Variants in LZTR1 observed in about 807,000 individuals in gnomAD.
LZTR1 encodes leucine-zipper-like transcriptional regulator 1.
Under a neutral mutation model 105.7 loss-of-function variants are expected in LZTR1, and 260 were observed. The ratio of observed to expected loss-of-function variants is 2.46; its 90% CI spans 2.22 to 2.72. LZTR1 has a LOEUF of 2.72. Ranked by LOEUF, LZTR1 falls within the 30% of genes most tolerant of loss-of-function variation. LZTR1 has a pLI of 0.00. For synonymous variants in LZTR1, 490 were observed against 476.4 expected (o/e 1.03, Z -0.37); for missense variants, 1,214 against 1,166.9 (o/e 1.04, Z -0.59).
chr22:20,995,460 G>C (rs768676496), intron 16 of LZTR1: 157 of 650,366 alleles, frequency 2.4e-4, no homozygotes, highest in Admixed American at 8.4e-5. Flanking sequence ...CCATGCAGTG[G>C]GCCTGGAGGG....
In LZTR1 at chr22:20,992,854, G is replaced by T; in HGVS notation, c.1210G>T (p.Gly404Trp). The change falls in exon 11 of 21, where the codon GGG becomes TGG. Residue 404 changes from glycine to tryptophan, a missense_variant. Gly to Trp is a radical substitution (Grantham distance 184, BLOSUM62 -2). Transcript: ENST00000646124. The stretch of plus-strand genomic sequence containing the variant: ...CATCTCGGACGCCATGTACATCTTC[G>T]GGGGCACGGTGGACAACAACATCCG... ...AVISDAMYIFGGTVDNNIRSG... is the reference protein window; with the variant it reads ...AVISDAMYIFWGTVDNNIRSG... The T allele has an allele frequency of 6.2e-7, 1 of 1,610,266 alleles. No individual in the cohort carries two copies. The highest frequency in any genetic ancestry group is 8.5e-7 in the Non-Finnish European group (1 of 1,178,486).
In LZTR1 at chr22:20,997,092, A is replaced by G. The variant is rs1924886404; in HGVS notation, c.2406+126A>G. ...GCCCTGGGGGTGAGAGAAGCAGAGC[A>G]GCCCATCACTGGCCGCACCTTGCTT... is the stretch of plus-strand genomic sequence containing the variant. On this transcript the variant is annotated intron_variant, in intron 20 of 20. Transcript: ENST00000646124. 3 of 1,157,134 alleles carry G rather than the reference A, an allele frequency of 2.6e-6. No individual in the cohort carries two copies. In the African/African-American group the frequency reaches 4.5e-5, roughly 17 times the overall value. 71.7% of individuals were successfully genotyped at this position (1,157,134 alleles called of 1,614,324 possible). A position where few individuals can be genotyped will look rare whatever the true frequency, so the allele number is the denominator to read the frequency against.
At position 20,988,059 on chromosome 22, in the gene LZTR1, C is replaced by T. The variant is rs560328641; in HGVS notation, c.450C>T (p.Asn150=). The change falls in exon 5 of 21, where the codon AAC becomes AAT. Residue 150 remains asparagine (N), a synonymous_variant. Transcript: ENST00000646124. Reference sequence around the variant, plus strand: ...CCAATTCTAACTTGAAGAATAAAAACGACCTCTTTGAATACAAGTTTGCAA... The same window carrying T: ...CCAATTCTAACTTGAAGAATAAAAATGACCTCTTTGAATACAAGTTTGCAA... The part of the protein sequence containing the change: ...IYSNSNLKNK[N]DLFEYKFATG... 3.8e-4 allele frequency: 610 copies of T among 1,613,354 alleles called. 14 individuals are homozygous for T. The South Asian group carries it at 6.3e-3, about 17-fold the overall frequency.
At chr22:20,993,797 G>T (rs1278955312) in intron 12 of LZTR1, 43 bp downstream of exon 12, 1 of 1,585,660 alleles carries the variant, frequency 6.3e-7, no homozygotes, top group African/African-American at 1.3e-5. Context: ...GCTGTGCCTG[G>T]GCAGTGGGAA....
rs1184353835 is a variant in LZTR1, at chr22:20,994,575, C to T, written c.1633C>T (p.Leu545=). 4 of 1,611,050 alleles carry T rather than the reference C, an allele frequency of 2.5e-6. No homozygotes were observed. Among genetic ancestry groups the T allele is most frequent in the Admixed American group, 1.7e-5 (1 of 60,034 alleles). Residue 545 remains leucine, a synonymous_variant, in exon 15 of 21, where the codon CTG becomes TTG. Coordinates refer to ENST00000646124, the MANE Select transcript of LZTR1 (RefSeq NM_006767.4). ...GGGCGCAGGCCATGTGGAGGATGTG[C>T]TGCTCATCATGGATGTGTACAAACT... ...YPRKGHVEDV[L]LIMDVYKLAL... is the part of the protein sequence containing the mutation.
intron 6 of LZTR1, 23 bp from the exon 7 acceptor site, chr22:20,989,596 GGGGTCC>G: frequency 6.2e-7 from 1 of 1,603,064 alleles, no homozygotes; most frequent in Non-Finnish European, 8.5e-7. Context: ...CCAGACCCAA[GGGGTCC>G]TCACTGGTCT....
rs543786989 is a variant in LZTR1, at chr22:20,997,714, G to T, written c.*366G>T. ...GGCTTCTGTGGCCTGGGCGTGTTGT[G>T]GACTCAGGCACTGGGGCCTGTCACC... On this transcript the variant is annotated 3_prime_UTR_variant, in exon 21 of 21. Coordinates refer to ENST00000646124, the MANE Select transcript of LZTR1 (RefSeq NM_006767.4). 1.0e-5 allele frequency: 2 copies of T among 198,454 alleles called. No individual in the cohort carries two copies. The highest frequency in any genetic ancestry group is 1.3e-4 in the East Asian group (1 of 7,888). 12.3% of individuals were successfully genotyped at this position (198,454 alleles called of 1,614,324 possible). A position where few individuals can be genotyped will look rare whatever the true frequency, so the allele number is the denominator to read the frequency against.
At chr22:20,983,256 G>A in intron 2 of LZTR1, 167 bp downstream of exon 2, 3 of 650,086 alleles carry the variant, frequency 4.6e-6, no homozygotes, top group East Asian at 2.7e-5. Context: ...TGGTCGTGGT[G>A]AGGATTAAAT....
chr22:20,995,745 G>A lies in LZTR1; in HGVS notation c.1943-1G>A, dbSNP rs1189015572. 4.3e-6 allele frequency: 7 copies of A among 1,613,410 alleles called. No individual in the cohort carries two copies. In the African/African-American group the frequency reaches 8.0e-5, roughly 18 times the overall value. On this transcript the variant is annotated splice_acceptor_variant, in intron 16 of 20. Coordinates refer to ENST00000646124, the MANE Select transcript of LZTR1 (RefSeq NM_006767.4). LOFTEE classifies it high-confidence loss of function. ...CTGCTCAGGGACCCTCCTACCCCCA[G>A]GCACATCTCTGATCCAGGACATGAA...
In LZTR1 at chr22:20,993,959, C is replaced by T. The variant is rs780082097; in HGVS notation, c.1389C>T (p.Val463=). ...EECVQGHVAI[V]TARSRWLRRK... is the part of the protein sequence containing the mutation. ...GCGTGCAGGGCCACGTAGCCATTGTCACAGCGCGGAGCCGCTGGCTTCGCA... is the reference window on the plus strand; with the variant it reads ...GCGTGCAGGGCCACGTAGCCATTGTTACAGCGCGGAGCCGCTGGCTTCGCA... The change falls in exon 13 of 21, where the codon GTC becomes GTT. Residue 463 remains valine, a synonymous_variant. Transcript: ENST00000646124. 1.2e-6 allele frequency: 2 copies of T among 1,612,690 alleles called. No individual in the cohort carries two copies. Among genetic ancestry groups the T allele is most frequent in the Non-Finnish European group, 1.7e-6 (2 of 1,179,930 alleles).
Position 20,989,633 on chromosome 22 carries a change from A to G in LZTR1, c.602A>G (p.Asp201Gly), listed in dbSNP as rs1924522458. 1 of 1,613,528 alleles carries G rather than the reference A, an allele frequency of 6.2e-7. No individual in the cohort carries two copies. Residue 201 changes from aspartate (D) to glycine (G), a missense_variant, in exon 7 of 21, where the codon GAC becomes GGC. Coordinates refer to ENST00000646124, the MANE Select transcript of LZTR1 (RefSeq NM_006767.4). ...GGTCTGTCCTAATACAGGTTGAATG[A>G]CATGTGGACAATTGGCCTCCAGGAC... ...AGYDGNARLN[D>G]MWTIGLQDRE...
chr22:20,987,048 A>AT (rs112537959), intron 3 of LZTR1: 110 of 147,660 alleles, frequency 7.4e-4, no homozygotes, highest in Admixed American at 8.8e-4. Context: ...CTTATTGGTG[A>AT]TTTTTTTTTT....
Position 20,988,080 on chromosome 22 carries a change from T to G in LZTR1, c.471T>G (p.Phe157Leu). The G allele has an allele frequency of 6.2e-7, 1 of 1,613,534 alleles. No individual in the cohort carries two copies. Residue 157 changes from phenylalanine (F) to leucine (L), a missense_variant, in exon 5 of 21, where the codon TTT becomes TTG. Transcript: ENST00000646124. ...KNKNDLFEYK[F>L]ATGQWTEWKI... ...AAAACGACCTCTTTGAATACAAGTTTGCAACTGGCCAGTGGACGGAGTGGA... is the reference window on the plus strand; with the variant it reads ...AAAACGACCTCTTTGAATACAAGTTGGCAACTGGCCAGTGGACGGAGTGGA...
chr22:20,995,011 C>T lies in LZTR1; in HGVS notation c.1927C>T (p.Gln643Ter). Residue 643 changes from glutamine to a stop codon, truncating the protein, a stop_gained, in exon 16 of 21, where the codon CAG becomes TAG. Transcript: ENST00000646124. LOFTEE classifies it high-confidence loss of function. ...GCCGCCCCCTCGCACTCCCTTGGAC[C>T]AGCCAGTGGACATTGGTAGGGAGCC... ...QQPPPRTPLD[Q>*]PVDIGTSLIQ... 1.2e-6 allele frequency: 2 copies of T among 1,610,720 alleles called. No homozygotes were observed. The highest frequency in any genetic ancestry group is 8.5e-7 in the Non-Finnish European group (1 of 1,178,776).
At chr22:20,989,503 C>A (rs772470664) in intron 6 of LZTR1, 122 bp from the exon 7 acceptor site, 471 of 831,022 alleles carry the variant, frequency 5.7e-4, no homozygotes, top group Non-Finnish European at 8.9e-4. Context: ...GCCTCATGGC[C>A]GCACAAGTCT....
In LZTR1 at chr22:20,993,938, G is replaced by A; in HGVS notation, c.1368G>A (p.Val456=). The change falls in exon 13 of 21, where the codon GTG becomes GTA. Residue 456 remains valine (V), a synonymous_variant. Transcript: ENST00000646124. ...EFVLGEKEEC[V]QGHVAIVTAR... ...TCTTTGTGCAGAAGGAGGAGTGCGT[G>A]CAGGGCCACGTAGCCATTGTCACAG... 6.2e-7 allele frequency: 1 copy of A among 1,612,346 alleles called. No homozygotes were observed. Among genetic ancestry groups the A allele is most frequent in the Non-Finnish European group, 8.5e-7 (1 of 1,179,874 alleles).
rs2147962707 is a variant in LZTR1, at chr22:20,988,832, G to A, written c.553G>A (p.Asp185Asn). The A allele has an allele frequency of 6.2e-7, 1 of 1,614,128 alleles. No homozygotes were observed. The highest frequency in any genetic ancestry group is 8.5e-7 in the Non-Finnish European group (1 of 1,180,018). ...RSAHGATVYS[D>N]KLWIFAGYDG... ...AGCCCATGGGGCCACGGTGTACAGT[G>A]ACAAGCTGTGGATCTTTGCTGGCTA... Residue 185 changes from aspartate (D) to asparagine (N), a missense_variant, in exon 6 of 21, where the codon GAC (aspartate) becomes AAC (asparagine). Asp to Asn is a conservative substitution (Grantham distance 23, BLOSUM62 1). Transcript: ENST00000646124.
intron 9 of LZTR1, among the ~76,000 whole-genome samples, 162 bp from the exon 10 acceptor site, chr22:20,992,052 C>T (rs1351224612): frequency 6.6e-6 from 1 of 152,242 alleles, no homozygotes; most frequent in Admixed American, 6.5e-5. Flanking sequence ...CCCATCATGG[C>T]TGCATGGGGC....
intron 1 of LZTR1, 76 bp from the exon 2 acceptor site, chr22:20,982,951 C>G (rs1234754521): frequency 8.0e-7 from 1 of 1,244,066 alleles, no homozygotes; most frequent in African/African-American, 1.5e-5. Context: ...CGTGGCAGCT[C>G]TCCTGCTTAG....
Sources: allele counts gnomAD v4.1 joint callset (sites outside exome capture counted in the v4.1 genomes callset), GRCh38; gene constraint gnomAD v4.1.1; transcripts MANE v1.5; gene names NCBI Gene and HGNC (gene_info 2026-07-23, HGNC 2026-07-21).